Variants in NLN observed in about 807,000 individuals in gnomAD.
NLN encodes the protein neurolysin, mitochondrial.
NLN carries 64 observed loss-of-function variants against 79.9 expected under a neutral mutation model. The observed-to-expected ratio is 0.80, with a 90% CI of 0.65 to 0.99. The LOEUF (loss-of-function observed/expected upper bound fraction) is 0.99, where lower values mean the gene tolerates loss of function less well. NLN is among the 50% of genes least tolerant of loss of function. The pLI is 0.00. For missense variants in NLN, 835 were observed against 858.7 expected, an observed-to-expected ratio of 0.97 and a Z score of 0.34; for synonymous variants, 267 against 296.6, an observed-to-expected ratio of 0.90 and a Z score of 1.02.
At chr5:65,786,024 A>C in intron 7 of NLN, 114 bp downstream of exon 7, 2 of 894,238 alleles carry the variant, frequency 2.2e-6, no homozygotes, top group Non-Finnish European at 3.4e-6. Flanking sequence ...CATTTGAGAG[A>C]AGTATATTGA....
chr5:65,740,940 C>A, intron 1 of NLN: 1 of 147,220 alleles, frequency 6.8e-6, no homozygotes, highest in Non-Finnish European at 1.4e-5. Flanking sequence ...GTGGCGTGAT[C>A]TTGGCTCACT....
Position 65,763,127 on chromosome 5 carries a change from C to T in NLN, c.450+19C>T, listed in dbSNP as rs749900018. On this transcript the variant is annotated intron_variant, in intron 3 of 12. Coordinates refer to ENST00000380985, the MANE Select transcript of NLN (RefSeq NM_020726.5). ...TTTACAGGTAAGTGGTGTTATAAAT[C>T]CCTTTAAAGAGGGAAAAACTCTACA... The T allele has an allele frequency of 1.2e-6, 2 of 1,601,540 alleles. No individual in the cohort carries two copies. Among genetic ancestry groups the T allele is most frequent in the Admixed American group, 1.7e-5 (1 of 59,010 alleles).
At chr5:65,817,990 CA>C in intron 12 of NLN, among the ~76,000 whole-genome samples, 1 of 152,348 alleles carries the variant, frequency 6.6e-6, no homozygotes, top group Non-Finnish European at 1.5e-5. Context: ...TACCACCCAA[CA>C]GCTGATTTTT....
chr5:65,747,669 T>C (rs1213556586), intron 1 of NLN, among the ~76,000 whole-genome samples: 1 of 152,170 alleles, frequency 6.6e-6, no homozygotes, highest in Non-Finnish European at 1.5e-5. Context: ...CTCCCTGCTC[T>C]TAATGGCCAC....
chr5:65,808,544 T>C (rs1391089000), intron 9 of NLN, among the ~76,000 whole-genome samples: 1 of 152,218 alleles, frequency 6.6e-6, no homozygotes, highest in African/African-American at 2.4e-5. Flanking sequence ...TTTGAAGGAC[T>C]GTGTGAAGGT....
In NLN at chr5:65,792,575, C is replaced by T. The variant is rs758147999; in HGVS notation, c.1447C>T (p.Arg483Cys). The change falls in exon 9 of 13, where the codon CGT becomes TGT. Residue 483 changes from arginine (R) to cysteine (C), a missense_variant. Arg to Cys is a radical substitution (Grantham distance 180). Transcript: ENST00000380985. ...VVNFSQPVAGRPSLLRHDEVR... is the reference protein window; with the variant it reads ...VVNFSQPVAGCPSLLRHDEVR... ...GAACTTCTCACAGCCAGTGGCAGGT[C>T]GTCCCTCTCTCCTGAGACACGACGA... 1.2e-6 allele frequency: 2 copies of T among 1,613,872 alleles called. No individual in the cohort carries two copies. The highest frequency in any genetic ancestry group is 1.7e-6 in the Non-Finnish European group (2 of 1,179,816).
At chr5:65,774,352 C>T (rs1002945347) in intron 3 of NLN, among the ~76,000 whole-genome samples, 2 of 152,128 alleles carry the variant, frequency 1.3e-5, no homozygotes, top group African/African-American at 4.8e-5. Flanking sequence ...AAAAACTTCA[C>T]CTAAAGAGGC....
chr5:65,797,542 C>G (rs1041711868), intron 9 of NLN, among the ~76,000 whole-genome samples: 2 of 152,156 alleles, frequency 1.3e-5, no homozygotes, highest in African/African-American at 4.8e-5. Context: ...GGCTGTATGA[C>G]TTGGGGACAG....
intron 3 of NLN, among the ~76,000 whole-genome samples, chr5:65,773,656 T>A (rs1329327595): frequency 6.6e-6 from 1 of 151,976 alleles, no homozygotes; most frequent in African/African-American, 2.4e-5. Flanking sequence ...AGAAACTCAA[T>A]ATTTGGCCAG....
At chr5:65,753,269 T>C (rs1290822338) in intron 1 of NLN, among the ~76,000 whole-genome samples, 1 of 152,198 alleles carries the variant, frequency 6.6e-6, no homozygotes, top group Non-Finnish European at 1.5e-5. Context: ...CTGTGACCAC[T>C]CAGCCTTCCA....
At chr5:65,792,407 T>C in intron 8 of NLN, 47 bp from the exon 9 acceptor site, 1 of 1,253,342 alleles carries the variant, frequency 8.0e-7, no homozygotes, top group African/African-American at 1.5e-5. Flanking sequence ...GTGTAGTTGC[T>C]AGAGGAGAAT....
In NLN at chr5:65,823,620, G is replaced by A. The variant is rs1407558372; in HGVS notation, c.*705G>A. Reference sequence around the variant, plus strand: ...TAAGTTTTTGTATCTTGTATTAGAGGATTTCGTAGCTTTTATTAGAGGCTC... The same window carrying A: ...TAAGTTTTTGTATCTTGTATTAGAGAATTTCGTAGCTTTTATTAGAGGCTC... On this transcript the variant is annotated 3_prime_UTR_variant, in exon 13 of 13. Transcript: ENST00000380985. 1.3e-5 allele frequency: 2 copies of A among 152,048 alleles called. No homozygotes were observed. Among genetic ancestry groups the A allele is most frequent in the Non-Finnish European group, 2.9e-5 (2 of 68,020 alleles). The allele number at this position is 152,048 out of a possible 1,614,324, so 9.4% of individuals were successfully genotyped here. A position where few individuals can be genotyped will look rare whatever the true frequency, so the allele number is the denominator to read the frequency against.
At chr5:65,732,763 T>G (rs1166420879) in intron 1 of NLN, among the ~76,000 whole-genome samples, 2 of 143,302 alleles carry the variant, frequency 1.4e-5, no homozygotes, top group Admixed American at 6.8e-5. Flanking sequence ...GATGAGGTTG[T>G]CTGCTGAAAG....
chr5:65,781,412 G>C lies in NLN; in HGVS notation c.813G>C (p.Arg271Ser). The stretch of plus-strand genomic sequence containing the variant: ...GGATGGAAATGGCTTTTAATACAAG[G>C]TGCAAAGAGGTATTATAAATGTTTG... ...RRRMEMAFNT[R>S]CKEENTIILQ... Residue 271 changes from arginine to serine, a missense_variant, in exon 6 of 13, where the codon AGG (arginine) becomes AGC (serine). Physicochemically the swap from Arg to Ser is moderately radical, Grantham distance 110. Coordinates refer to ENST00000380985, the MANE Select transcript of NLN (RefSeq NM_020726.5). 6.3e-7 allele frequency: 1 copy of C among 1,595,828 alleles called. No individual in the cohort carries two copies. Among genetic ancestry groups the C allele is most frequent in the African/African-American group, 1.3e-5 (1 of 74,432 alleles).
intron 3 of NLN, among the ~76,000 whole-genome samples, chr5:65,774,490 C>T (rs746424811): frequency 3.9e-5 from 6 of 151,956 alleles, no homozygotes; most frequent in Non-Finnish European, 8.8e-5. Context: ...TCTGACCTTG[C>T]CTGGAGATTG....
chr5:65,740,956 C>A, intron 1 of NLN: 1 of 157,268 alleles, frequency 6.4e-6, no homozygotes. Context: ...TCACTGCAGC[C>A]TCTGCCTCCC....
intron 1 of NLN, among the ~76,000 whole-genome samples, chr5:65,723,839 A>T (rs13161077): frequency 6.6e-6 from 1 of 150,588 alleles, no homozygotes; most frequent in Non-Finnish European, 1.5e-5. Context: ...AAAAAAAAGA[A>T]CAATTCTCAA....
chr5:65,809,262 T>C lies in NLN; in HGVS notation c.1528-253T>C, dbSNP rs139091854. Reference sequence around the variant, plus strand: ...GTATTTTTCAGTTCTGGTTTTCTGATGATTGTTCCAACTTTGTCTACAATT... The same window carrying C: ...GTATTTTTCAGTTCTGGTTTTCTGACGATTGTTCCAACTTTGTCTACAATT... On this transcript the variant is annotated intron_variant, in intron 9 of 12. Transcript: ENST00000380985. 5.5e-4 allele frequency: 190 copies of C among 342,426 alleles called. 1 individual carries two copies. The highest frequency in any genetic ancestry group is 2.9e-3 in the African/African-American group (139 of 47,430). 21.2% of individuals were successfully genotyped at this position (342,426 alleles called of 1,614,324 possible).
intron 1 of NLN, 34 bp downstream of exon 1, chr5:65,722,448 G>A (rs372124520): frequency 3.3e-5 from 51 of 1,556,724 alleles, no homozygotes; most frequent in Non-Finnish European, 4.3e-5. Context: ...CTTGGCCGTG[G>A]GCAGGGCGGG....
Sources: allele counts gnomAD v4.1 joint callset (sites outside exome capture counted in the v4.1 genomes callset), GRCh38; gene constraint gnomAD v4.1.1; transcripts MANE v1.5; gene names NCBI Gene and HGNC (gene_info 2026-07-23, HGNC 2026-07-21).